Variants in KDM4C observed in about 807,000 individuals in gnomAD.
KDM4C encodes lysine demethylase 4C, also known as lysine-specific demethylase 4C.
In KDM4C, 81 loss-of-function variants were observed where a neutral mutation model predicts 129.3. The observed-to-expected ratio is 0.63, with a 90% CI of 0.52 to 0.75. The LOEUF is 0.75. Among genes scored for constraint, KDM4C ranks in the 30% least tolerant of loss-of-function variants. KDM4C has a pLI of 0.00. For missense variants in KDM4C, 1,457 were observed against 1,304.0 expected (o/e 1.12, Z -1.81); for synonymous variants, 573 against 456.1 (o/e 1.26, Z -3.26).
chr9:6,960,791 T>G (rs1829908351), intron 8 of KDM4C, among the ~76,000 whole-genome samples: 1 of 152,180 alleles, frequency 6.6e-6, no homozygotes, highest in Admixed American at 6.5e-5. Flanking sequence ...TTCAGCAATA[T>G]TGTCATTTTT....
chr9:7,057,410 A>G (rs2132646717), intron 17 of KDM4C, among the ~76,000 whole-genome samples: 1 of 152,338 alleles, frequency 6.6e-6, no homozygotes, highest in East Asian at 1.9e-4. Context: ...TAATTATAAG[A>G]AGCCTCCCTT....
chr9:7,117,626 TAC>T (rs71315578), intron 18 of KDM4C, among the ~76,000 whole-genome samples: 28,664 of 146,718 alleles, frequency 0.2, 2,855 homozygotes, highest in East Asian at 0.31. Context: ...TGTTAATTTC[TAC>T]ACACACACAC....
At chr9:7,044,224 T>C (rs1829044035) in intron 15 of KDM4C, among the ~76,000 whole-genome samples, 1 of 152,056 alleles carries the variant, frequency 6.6e-6, no homozygotes, top group African/African-American at 2.4e-5. Flanking sequence ...GGTTGAGATT[T>C]CAAGAATGTG....
chr9:7,000,823 T>C (rs1172029310), intron 12 of KDM4C, among the ~76,000 whole-genome samples: 1 of 152,250 alleles, frequency 6.6e-6, no homozygotes, highest in Non-Finnish European at 1.5e-5. Flanking sequence ...GTTTTCATTG[T>C]TACTTTCACC....
intron 8 of KDM4C, among the ~76,000 whole-genome samples, chr9:6,971,042 CT>C (rs936304136): frequency 5.3e-5 from 8 of 151,976 alleles, no homozygotes; most frequent in African/African-American, 1.9e-4. Flanking sequence ...CAGCGCATTC[CT>C]TTTTTTTAAA....
In KDM4C at chr9:7,085,582, A is replaced by G. The variant is rs76322040; in HGVS notation, c.2425-18103A>G. ...TAATTTTGCTTGAGGATGGCATCATATTGAAACCTGTGAGAGGAAGGCTGG... is the reference window on the plus strand; with the variant it reads ...TAATTTTGCTTGAGGATGGCATCATGTTGAAACCTGTGAGAGGAAGGCTGG... On this transcript the variant is annotated intron_variant, in intron 17 of 21. Coordinates refer to ENST00000381309, the MANE Select transcript of KDM4C (RefSeq NM_015061.6). Among the ~76,000 whole-genome samples the G allele has an allele frequency of 6.7e-3, 1,016 of 152,276 alleles. 9 individuals are homozygous for G. The highest frequency in any genetic ancestry group is 0.023 in the African/African-American group (956 of 41,556).
intron 6 of KDM4C, among the ~76,000 whole-genome samples, chr9:6,883,554 A>G (rs1844797224): frequency 1.3e-5 from 2 of 152,226 alleles, no homozygotes; most frequent in African/African-American, 4.8e-5. Context: ...ATATCCAGCC[A>G]TGTTCCTAGT....
At chr9:7,151,681 A>G (rs1176699094) in intron 19 of KDM4C, among the ~76,000 whole-genome samples, 1 of 152,198 alleles carries the variant, frequency 6.6e-6, no homozygotes, top group Non-Finnish European at 1.5e-5. Flanking sequence ...CCCTGTGTCA[A>G]AACTATTAAA....
intron 13 of KDM4C, among the ~76,000 whole-genome samples, chr9:7,013,077 C>G (rs1378599667): frequency 6.6e-6 from 1 of 151,938 alleles, no homozygotes; most frequent in South Asian, 2.1e-4. Context: ...CTTATTGATT[C>G]TTATTTCTAT....
intron 8 of KDM4C, among the ~76,000 whole-genome samples, chr9:6,910,577 C>T (rs1370435968): frequency 6.6e-6 from 1 of 152,156 alleles, no homozygotes; most frequent in African/African-American, 2.4e-5. Flanking sequence ...TGCCATTTCT[C>T]ACCTCTCAGA....
intron 17 of KDM4C, among the ~76,000 whole-genome samples, chr9:7,085,155 C>T (rs531100735): frequency 6.6e-6 from 1 of 152,280 alleles, no homozygotes; most frequent in South Asian, 2.1e-4. Context: ...AGTGGCAAGG[C>T]AGAATGAAAC....
At chr9:6,882,852 G>A (rs1412078115) in intron 6 of KDM4C, among the ~76,000 whole-genome samples, 1 of 151,924 alleles carries the variant, frequency 6.6e-6, no homozygotes, top group Non-Finnish European at 1.5e-5. Context: ...TTAATGGCTA[G>A]TAATCTTGAT....
At chr9:7,071,600 A>G (rs1453476134) in intron 17 of KDM4C, among the ~76,000 whole-genome samples, 2 of 152,200 alleles carry the variant, frequency 1.3e-5, no homozygotes, top group African/African-American at 2.4e-5. Flanking sequence ...ATCCATACTC[A>G]TTTTATGTAC....
intron 6 of KDM4C, among the ~76,000 whole-genome samples, chr9:6,887,633 A>G (rs920998626): frequency 8.5e-5 from 13 of 152,174 alleles, no homozygotes; most frequent in African/African-American, 2.9e-4. Flanking sequence ...AACTTCCCTA[A>G]ATATTTTCTC....
chr9:6,866,046 G>T (rs376249134), intron 5 of KDM4C, among the ~76,000 whole-genome samples: 1 of 151,930 alleles, frequency 6.6e-6, no homozygotes, highest in African/African-American at 2.4e-5. Context: ...TGGCCACCCA[G>T]CTAATTTTTG....
At chr9:7,050,054 C>T (rs2132558647) in intron 17 of KDM4C, among the ~76,000 whole-genome samples, 1 of 152,088 alleles carries the variant, frequency 6.6e-6, no homozygotes, top group East Asian at 1.9e-4. Context: ...GCTTGTTTTC[C>T]CACTGCTCTT....
chr9:6,723,591 C>T (rs974548109), intron 1 of KDM4C: 1 of 148,148 alleles, frequency 6.8e-6, no homozygotes, highest in East Asian at 1.9e-4. Flanking sequence ...GCCTTGCACT[C>T]CCTGAAGAGA....
chr9:6,797,777 G>C (rs949129023), intron 2 of KDM4C, among the ~76,000 whole-genome samples: 1 of 152,170 alleles, frequency 6.6e-6, no homozygotes, highest in Non-Finnish European at 1.5e-5. Context: ...CTAGGTAGAT[G>C]GTAGAAATTG....
chr9:6,913,886 A>T (rs1219176048), intron 8 of KDM4C, among the ~76,000 whole-genome samples: 1 of 152,224 alleles, frequency 6.6e-6, no homozygotes, highest in Non-Finnish European at 1.5e-5. Flanking sequence ...CTGTTAATGT[A>T]GATGGAAGGG....
Sources: allele counts gnomAD v4.1 joint callset (sites outside exome capture counted in the v4.1 genomes callset), GRCh38; gene constraint gnomAD v4.1.1; transcripts MANE v1.5; gene names NCBI Gene and HGNC (gene_info 2026-07-23, HGNC 2026-07-21).